Variants in SLC16A14 observed in about 807,000 individuals in gnomAD.
SLC16A14 encodes solute carrier family 16 member 14, also known as monocarboxylate transporter 14.
Under a neutral mutation model 35.8 loss-of-function variants are expected in SLC16A14, and 14 were observed. The observed-to-expected ratio is 0.39, with a 90% confidence interval of 0.26 to 0.61. The LOEUF (loss-of-function observed/expected upper bound fraction) is 0.61. Ranked by LOEUF, SLC16A14 falls within the 20% of genes least tolerant of loss-of-function variation. SLC16A14 has a pLI of 0.51. For missense variants in SLC16A14, 533 were observed against 655.0 expected (o/e 0.81, Z 2.03); for synonymous variants, 248 against 258.9 (o/e 0.96, Z 0.40).
intron 2 of SLC16A14, among the ~76,000 whole-genome samples, chr2:230,057,463 C>T (rs2077714804): frequency 6.6e-6 from 1 of 151,950 alleles, no homozygotes; most frequent in Non-Finnish European, 1.5e-5. Context: ...CCATGTTAAA[C>T]AATTTTTTAA....
chr2:230,046,408 T>C lies in SLC16A14; in HGVS notation c.718A>G (p.Thr240Ala), dbSNP rs2077607781. ...TCTTCTGTTCTTCCCTGCTGTCCAGTTGACTTCACAGATTCTGTGGAGTGC... is the reference window on the plus strand; with the variant it reads ...TCTTCTGTTCTTCCCTGCTGTCCAGCTGACTTCACAGATTCTGTGGAGTGC... ...PAHSTESVKS[T>A]GQQGRTEEKD... Residue 240 changes from threonine (T) to alanine (A), a missense_variant, in exon 4 of 5, where the codon ACT becomes GCT. Coordinates refer to ENST00000295190, the MANE Select transcript of SLC16A14 (RefSeq NM_152527.5). This position sits in a 1 kb window ranked among gnomAD's most constrained non-coding sequence, Gnocchi z 5.0. 1 of 1,614,106 alleles carries C rather than the reference T, an allele frequency of 6.2e-7. No homozygotes were observed. Among genetic ancestry groups the C allele is most frequent in the African/African-American group, 1.3e-5 (1 of 74,936 alleles).
intron 1 of SLC16A14, among the ~76,000 whole-genome samples, chr2:230,067,482 C>G (rs1365696677): frequency 6.6e-6 from 1 of 151,964 alleles, no homozygotes; most frequent in Non-Finnish European, 1.5e-5. Context: ...CCTGCAGGAT[C>G]CCAAGCCTGT....
At position 230,046,615 on chromosome 2, in the gene SLC16A14, C is replaced by G; in HGVS notation, c.511G>C (p.Gly171Arg). 1 of 1,612,884 alleles carries G rather than the reference C, an allele frequency of 6.2e-7. No individual in the cohort carries two copies. The highest frequency in any genetic ancestry group is 8.5e-7 in the Non-Finnish European group (1 of 1,180,040). ...AGCAGCACAGTCATTAGGAACGTAC[C>G]GAATCCGGTCCCCGTGGTGCTGAGG... ...QGLSTTGTGF[G>R]TFLMTVLLKY... The change falls in exon 4 of 5, where the codon GGT (glycine) becomes CGT (arginine). Residue 171 changes from glycine (G) to arginine (R), a missense_variant. Physicochemically the swap from Gly to Arg is moderately radical, Grantham distance 125. Coordinates refer to ENST00000295190, the MANE Select transcript of SLC16A14 (RefSeq NM_152527.5). This position sits in a 1 kb window ranked among gnomAD's most constrained non-coding sequence, Gnocchi z 5.0.
intron 4 of SLC16A14, among the ~76,000 whole-genome samples, chr2:230,041,882 C>T (rs189034618): frequency 1.5e-3 from 229 of 152,284 alleles, no homozygotes; most frequent in African/African-American, 4.9e-3. Flanking sequence ...CATTTAGTCA[C>T]GCATGTTGCC....
In SLC16A14 at chr2:230,037,369, A is replaced by G; in HGVS notation, c.*11T>C. The G allele has an allele frequency of 6.3e-7, 1 of 1,587,496 alleles. No homozygotes were observed. Among genetic ancestry groups the G allele is most frequent in the Non-Finnish European group, 8.5e-7 (1 of 1,170,616 alleles). ...TATTACAATGAAACCTACACGGAACATTACATGATACTAAACATGTGCACC... is the reference window on the plus strand; with the variant it reads ...TATTACAATGAAACCTACACGGAACGTTACATGATACTAAACATGTGCACC... On this transcript the variant is annotated 3_prime_UTR_variant, in exon 5 of 5. Transcript: ENST00000295190.
chr2:230,061,815 C>T (rs751913414), intron 1 of SLC16A14, among the ~76,000 whole-genome samples: 1 of 149,474 alleles, frequency 6.7e-6, no homozygotes, highest in South Asian at 2.1e-4. Flanking sequence ...AATTTTGACT[C>T]TCTGCAACCT....
At chr2:230,063,494 A>G (rs1482007647) in intron 1 of SLC16A14, among the ~76,000 whole-genome samples, 1 of 152,128 alleles carries the variant, frequency 6.6e-6, no homozygotes, top group Non-Finnish European at 1.5e-5. Flanking sequence ...CAGTGAAAAA[A>G]GACCCTGAAA....
rs78926173 is a variant in SLC16A14, at chr2:230,039,233, A to G, written c.1382-1702T>C. The stretch of plus-strand genomic sequence containing the variant: ...TACAAATTTATAATCTTTTCTTTAA[A>G]AAAACAACTCGTTAAAAGGTATGAA... On this transcript the variant is annotated intron_variant, in intron 4 of 4. Transcript: ENST00000295190. Among the ~76,000 whole-genome samples the G allele has an allele frequency of 9.4e-3, 1,424 of 152,184 alleles. 19 individuals are homozygous for G. Among genetic ancestry groups the G allele is most frequent in the African/African-American group, 0.032 (1,333 of 41,516 alleles).
In SLC16A14 at chr2:230,059,214, T is replaced by G. The variant is rs1450170378; in HGVS notation, c.139A>C (p.Ile47Leu). 6 of 1,614,092 alleles carry G rather than the reference T, an allele frequency of 3.7e-6. No individual in the cohort carries two copies. In the African/African-American group the frequency reaches 5.3e-5, roughly 14 times the overall value. ...CCCAGGGCCATCTGGGAGCCCATGA[T>G]GAGGATGTGCACAAAGAAAGAGGAG... Reference protein sequence around the residue: ...VLSSFFVHILIMGSQMALGVL... With the variant: ...VLSSFFVHILLMGSQMALGVL... The change falls in exon 2 of 5, where the codon ATC becomes CTC. Residue 47 changes from isoleucine to leucine, a missense_variant. By Grantham distance (5) the Ile-to-Leu change is conservative. Coordinates refer to ENST00000295190, the MANE Select transcript of SLC16A14 (RefSeq NM_152527.5).
At chr2:230,062,210 G>C (rs1303939464) in intron 1 of SLC16A14, among the ~76,000 whole-genome samples, 3 of 152,120 alleles carry the variant, frequency 2.0e-5, no homozygotes, top group African/African-American at 7.2e-5. Flanking sequence ...GCACTAAGAA[G>C]TCTCGAATTG....
chr2:230,049,715 C>A (rs781122226), intron 3 of SLC16A14, 46 bp downstream of exon 3: 3 of 1,597,244 alleles, frequency 1.9e-6, no homozygotes, highest in Non-Finnish European at 2.6e-6. Context: ...GCCAAGATGT[C>A]TTATAAAACA....
chr2:230,055,190 A>G (rs2077694871), intron 2 of SLC16A14, among the ~76,000 whole-genome samples: 1 of 152,108 alleles, frequency 6.6e-6, no homozygotes, highest in Non-Finnish European at 1.5e-5. Context: ...GATACAGACA[A>G]TGGTCTGGCC....
At position 230,037,154 on chromosome 2, in the gene SLC16A14, T is replaced by C. The variant is rs2077525091; in HGVS notation, c.*226A>G. The C allele has an allele frequency of 2.2e-5, 7 of 320,442 alleles. No individual in the cohort carries two copies. The highest frequency in any genetic ancestry group is 3.4e-5 in the Non-Finnish European group (6 of 175,282). The allele number at this position is 320,442 out of a possible 1,614,324, so 19.8% of individuals were successfully genotyped here. A position where few individuals can be genotyped will look rare whatever the true frequency, so the allele number is the denominator to read the frequency against. On this transcript the variant is annotated 3_prime_UTR_variant, in exon 5 of 5. Coordinates refer to ENST00000295190, the MANE Select transcript of SLC16A14 (RefSeq NM_152527.5). The stretch of plus-strand genomic sequence containing the variant: ...TTACTAGGCTGTCTTTGAACAACAC[T>C]GTCATCTCTAGAATGTATGTAGTCC...
chr2:230,059,283 G>C lies in SLC16A14; in HGVS notation c.70C>G (p.Pro24Ala), dbSNP rs2077732308. Residue 24 changes from proline to alanine, a missense_variant, in exon 2 of 5, where the codon CCC becomes GCC. Coordinates refer to ENST00000295190, the MANE Select transcript of SLC16A14 (RefSeq NM_152527.5). ...DGPKDKKTLK[P>A]HPNIDGGWAW... ...CATCCGCCATCAATGTTTGGGTGGG[G>C]CTTCAGTGTCTTTTTGTCTTTGGGG... 6.2e-7 allele frequency: 1 copy of C among 1,613,458 alleles called. No homozygotes were observed. The highest frequency in any genetic ancestry group is 1.1e-5 in the South Asian group (1 of 91,040).
In SLC16A14 at chr2:230,038,545, G is replaced by A. The variant is rs2077535625; in HGVS notation, c.1382-1014C>T. On this transcript the variant is annotated intron_variant, in intron 4 of 4. Transcript: ENST00000295190. The surrounding 1 kb of genome is among the most constrained non-coding windows in gnomAD (Gnocchi z 4.4). ...CAAGAGTTTTATTTATGGTAAAAAT[G>A]TAAATTTTGAACATTCATTTTTTTC... is the stretch of plus-strand genomic sequence containing the variant. Among the ~76,000 whole-genome samples, 1 of 152,192 alleles carries A rather than the reference G, an allele frequency of 6.6e-6. No individual in the cohort carries two copies. The highest frequency in any genetic ancestry group is 6.5e-5 in the Admixed American group (1 of 15,272).
At chr2:230,044,581 G>A (rs949526086) in intron 4 of SLC16A14, among the ~76,000 whole-genome samples, 3 of 152,020 alleles carry the variant, frequency 2.0e-5, no homozygotes, top group Admixed American at 1.3e-4. Context: ...AAGAGGGCAC[G>A]CGCCAAAGAA....
intron 1 of SLC16A14, among the ~76,000 whole-genome samples, chr2:230,065,335 C>T (rs1454075963): frequency 2.0e-5 from 3 of 152,062 alleles, no homozygotes; most frequent in Non-Finnish European, 4.4e-5. Flanking sequence ...CGGCTCATTG[C>T]AACCTCTACC....
In SLC16A14 at chr2:230,046,087, A is replaced by G. The variant is rs769638713; in HGVS notation, c.1039T>C (p.Ser347Pro). 2 of 1,614,150 alleles carry G rather than the reference A, an allele frequency of 1.2e-6. No homozygotes were observed. The highest frequency in any genetic ancestry group is 1.7e-6 in the Non-Finnish European group (2 of 1,179,970). The change falls in exon 4 of 5, where the codon TCG becomes CCG. Residue 347 changes from serine (S) to proline (P), a missense_variant. Coordinates refer to ENST00000295190, the MANE Select transcript of SLC16A14 (RefSeq NM_152527.5). The surrounding 1 kb of genome is among the most constrained non-coding windows in gnomAD (Gnocchi z 5.0). ...AGAGGGAAAACGTCGTTTTGCTCCG[A>G]TAAGTTATACAAATTGACGATTTCT... ...LPEIVNLYNL[S>P]EQNDVFPLTS...
chr2:230,052,961 G>A (rs940515898), intron 2 of SLC16A14, among the ~76,000 whole-genome samples: 3 of 149,822 alleles, frequency 2.0e-5, no homozygotes, highest in East Asian at 2.0e-4. Flanking sequence ...TCTTTTTTGA[G>A]ACAGAGTTTC....
Sources: allele counts gnomAD v4.1 joint callset (sites outside exome capture counted in the v4.1 genomes callset), GRCh38; gene constraint gnomAD v4.1.1; non-coding constraint Gnocchi (gnomAD v3.1); transcripts MANE v1.5; gene names NCBI Gene and HGNC (gene_info 2026-07-23, HGNC 2026-07-21).